FOXP1: variants seen among roughly 807,000 people sequenced by gnomAD.
FOXP1 encodes forkhead box P1, also known as forkhead box protein P1.
Under a neutral mutation model 98.2 loss-of-function variants are expected in FOXP1, and 15 were observed. The ratio of observed to expected loss-of-function variants is 0.15; its 90% CI spans 0.10 to 0.24. The LOEUF (loss-of-function observed/expected upper bound fraction) is 0.24, where lower values mean the gene tolerates loss of function less well. Ranked by LOEUF, FOXP1 falls within the 10% of genes least tolerant of loss-of-function variation. The pLI is 1.00. For missense variants in FOXP1, 633 were observed against 848.5 expected, an observed-to-expected ratio of 0.75 and a Z score of 3.15; for synonymous variants, 371 against 314.5, an observed-to-expected ratio of 1.18 and a Z score of -1.90.
rs905620071 is a variant in FOXP1 at position 70,966,361 on chromosome 3, C to G, written c.1723-305G>C. 1.5e-5 allele frequency: 6 copies of G among 395,944 alleles called. No homozygotes were observed. In the East Asian group the frequency reaches 3.3e-4, roughly 22 times the overall value. The allele number at this position is 395,944 out of a possible 1,614,324, so 24.5% of individuals were successfully genotyped here. On this transcript the variant is annotated intron_variant, in intron 19 of 20. Coordinates refer to ENST00000649528, the MANE Select transcript of FOXP1 (RefSeq NM_001349338.3). ...GGGCTTTCGAATATGAGGTTTATGT[C>G]GGATGCGTTTTTAAGAGGAGCTGAA...
chr3:71,286,327 C>T (rs906176765), intron 5 of FOXP1, among the ~76,000 whole-genome samples: 1 of 150,612 alleles, frequency 6.6e-6, no homozygotes, highest in Non-Finnish European at 1.5e-5. Flanking sequence ...GCCCCGCCCG[C>T]CAGCACACAG....
At chr3:71,120,591 T>C (rs2058689325) in intron 6 of FOXP1, among the ~76,000 whole-genome samples, 1 of 152,166 alleles carries the variant, frequency 6.6e-6, no homozygotes, top group Admixed American at 6.5e-5. Flanking sequence ...TGAGTCAAAG[T>C]GGAAAGGGAC....
chr3:71,315,118 AAAAG>A (rs150691112), intron 4 of FOXP1, among the ~76,000 whole-genome samples: 18,795 of 148,070 alleles, frequency 0.13, 1,569 homozygotes, highest in Non-Finnish European at 0.18. Flanking sequence ...GAAAGAAAGA[AAAAG>A]AAAAGAAAAA....
intron 3 of FOXP1, among the ~76,000 whole-genome samples, chr3:71,430,134 A>G (rs1180299404): frequency 6.6e-6 from 1 of 152,158 alleles, no homozygotes; most frequent in African/African-American, 2.4e-5. Flanking sequence ...GGAATGAGAC[A>G]ATTCAGGTTT....
chr3:71,225,511 C>T (rs911962270), intron 5 of FOXP1, among the ~76,000 whole-genome samples: 6 of 108,378 alleles, frequency 5.5e-5, no homozygotes, highest in East Asian at 5.7e-4. Context: ...ATAATTATGA[C>T]GAGGAAGGAA....
At chr3:71,521,295 G>A (rs1411260843) in intron 2 of FOXP1, among the ~76,000 whole-genome samples, 1 of 152,212 alleles carries the variant, frequency 6.6e-6, no homozygotes, top group Middle Eastern at 3.2e-3. Flanking sequence ...ACTTTGGGAG[G>A]CCGAGTGAAT....
intron 2 of FOXP1, among the ~76,000 whole-genome samples, chr3:71,510,240 G>C (rs1052114112): frequency 3.3e-5 from 5 of 151,978 alleles, no homozygotes; most frequent in African/African-American, 1.2e-4. Context: ...TGTAATCCCA[G>C]CACTTTGGGA....
chr3:71,256,238 G>C (rs918766395), intron 5 of FOXP1, among the ~76,000 whole-genome samples: 1 of 152,090 alleles, frequency 6.6e-6, no homozygotes, highest in African/African-American at 2.4e-5. Flanking sequence ...GAGGTTGAAA[G>C]TCACAAAAGA....
At chr3:71,107,068 G>A (rs76495327) in intron 7 of FOXP1, among the ~76,000 whole-genome samples, 2,488 of 152,222 alleles carry the variant, frequency 0.016, 33 homozygotes, top group Middle Eastern at 0.037. Context: ...TGTACCTGGG[G>A]ATACCTTCAA....
At chr3:71,449,150 T>C (rs899499732) in intron 3 of FOXP1, among the ~76,000 whole-genome samples, 1 of 152,140 alleles carries the variant, frequency 6.6e-6, no homozygotes, top group South Asian at 2.1e-4. Flanking sequence ...GGTAGAAATA[T>C]AGAAAGAGCA....
At chr3:71,118,917 T>G in intron 6 of FOXP1, among the ~76,000 whole-genome samples, 1 of 152,228 alleles carries the variant, frequency 6.6e-6, no homozygotes, top group East Asian at 1.9e-4. Context: ...AGAGACCACA[T>G]GGCCCTTCAG....
intron 6 of FOXP1, among the ~76,000 whole-genome samples, chr3:71,188,055 G>T (rs777083798): frequency 2.0e-5 from 3 of 152,128 alleles, no homozygotes; most frequent in Admixed American, 6.5e-5. Context: ...CTTTTGCCCT[G>T]CTTTAGGATG....
At chr3:71,112,885 A>G (rs180759109) in intron 6 of FOXP1, among the ~76,000 whole-genome samples, 6 of 152,268 alleles carry the variant, frequency 3.9e-5, no homozygotes, top group African/African-American at 1.2e-4. Context: ...TTTTATTCCT[A>G]CTAAAGATCT....
In FOXP1 at chr3:70,958,121, CT is replaced by C. The variant is rs199626546; in HGVS notation, c.*1125del. The C allele has an allele frequency of 0.12, 30,498 of 255,602 alleles. 36 individuals carry two copies. Among genetic ancestry groups the C allele is most frequent in the Non-Finnish European group, 0.14 (19,299 of 134,322 alleles). 15.8% of individuals were successfully genotyped at this position (255,602 alleles called of 1,614,324 possible). ...ATATTGTCAGTCTAATTAATATGAG[CT>C]TTTTTTTTTTTTTCAGTGCTGCCTA... On this transcript the variant is annotated 3_prime_UTR_variant, in exon 21 of 21. Coordinates refer to ENST00000649528, the MANE Select transcript of FOXP1 (RefSeq NM_001349338.3).
Position 71,166,122 on chromosome 3 carries a change from T to C in FOXP1, c.180+32080A>G, listed in dbSNP as rs185078235. 4.0e-3 allele frequency among the ~76,000 whole-genome samples: 616 copies of C among 152,312 alleles called. 3 individuals carry two copies. The highest frequency in any genetic ancestry group is 0.014 in the African/African-American group (583 of 41,560). ...ACACTTAAGAAGACAGCCCAATACTTAGCGCCTCCTTGGCCCACTTGCCAT... is the reference window on the plus strand; with the variant it reads ...ACACTTAAGAAGACAGCCCAATACTCAGCGCCTCCTTGGCCCACTTGCCAT... On this transcript the variant is annotated intron_variant, in intron 6 of 20. Coordinates refer to ENST00000649528, the MANE Select transcript of FOXP1 (RefSeq NM_001349338.3).
At chr3:71,175,852 T>C (rs1314513870) in intron 6 of FOXP1, among the ~76,000 whole-genome samples, 1 of 152,226 alleles carries the variant, frequency 6.6e-6, no homozygotes, top group Non-Finnish European at 1.5e-5. Context: ...TAAGCAATTG[T>C]TCTTTGTTGA....
chr3:71,299,685 A>C (rs924968909), intron 5 of FOXP1, 135 bp downstream of exon 5: 1 of 152,552 alleles, frequency 6.6e-6, no homozygotes, highest in Non-Finnish European at 1.5e-5. Flanking sequence ...CCAAAAATAC[A>C]CCACATATGT....
Position 70,985,143 on chromosome 3 carries a change from G to A in FOXP1, c.1146+2851C>T, listed in dbSNP as rs550968609. Among the ~76,000 whole-genome samples, 23 of 152,324 alleles carry A rather than the reference G, an allele frequency of 1.5e-4. No individual in the cohort carries two copies. The South Asian group carries it at 4.8e-3, about 32-fold the overall frequency. On this transcript the variant is annotated intron_variant, in intron 14 of 20. Transcript: ENST00000649528. ...AAAGAAAAAGCTTCATGAACTTACTGGCAAGGTTGTAACATGAAAGTCCCC... is the reference window on the plus strand; with the variant it reads ...AAAGAAAAAGCTTCATGAACTTACTAGCAAGGTTGTAACATGAAAGTCCCC...
At chr3:71,420,434 T>C (rs2083546971) in intron 3 of FOXP1, among the ~76,000 whole-genome samples, 1 of 152,138 alleles carries the variant, frequency 6.6e-6, no homozygotes, top group South Asian at 2.1e-4. Context: ...TCTCTGAGCA[T>C]CAGTGTCCTC....
Sources: gnomAD v4.1 joint callset for allele counts (sites outside exome capture counted in the v4.1 genomes callset) on GRCh38, gnomAD v4.1.1 for gene constraint, MANE v1.5 for transcripts, NCBI Gene and HGNC (gene_info 2026-07-23, HGNC 2026-07-21) for gene names.